The following BCAS3 variants were observed in gnomAD, a reference collection of about 807,000 sequenced individuals.
BCAS3 encodes the protein BCAS3 microtubule associated cell migration factor.
In BCAS3, 53 loss-of-function variants were observed where a neutral mutation model predicts 116.1. The observed-to-expected ratio is 0.46, with a 90% CI of 0.37 to 0.57. The LOEUF (loss-of-function observed/expected upper bound fraction) is 0.57, where lower values mean the gene tolerates loss of function less well. Among genes scored for constraint, BCAS3 ranks in the 20% least tolerant of loss-of-function variants. The pLI is 0.00. For missense variants in BCAS3, 917 were observed against 1,165.4 expected (o/e 0.79, Z 3.10); for synonymous variants, 391 against 408.2 (o/e 0.96, Z 0.51).
At position 61,309,966 on chromosome 17, in the gene BCAS3, A is replaced by G. The variant is rs894378279; in HGVS notation, c.2426-58361A>G. Among the ~76,000 whole-genome samples the G allele has an allele frequency of 1.3e-5, 2 of 152,222 alleles. No individual in the cohort carries two copies. The highest frequency in any genetic ancestry group is 2.9e-5 in the Non-Finnish European group (2 of 68,028). ...CAGTTTTCCTTTGAAAAACTACAGCATTTAGGCTACCAGGTTGTGTTTCCT... is the reference window on the plus strand; with the variant it reads ...CAGTTTTCCTTTGAAAAACTACAGCGTTTAGGCTACCAGGTTGTGTTTCCT... On this transcript the variant is annotated intron_variant, in intron 22 of 23. Coordinates refer to ENST00000407086, the MANE Select transcript of BCAS3 (RefSeq NM_017679.5). The surrounding 1 kb of genome is among the most constrained non-coding windows in gnomAD (Gnocchi z 4.6).
At chr17:60,736,974 C>G (rs1391944776) in intron 5 of BCAS3, among the ~76,000 whole-genome samples, 1 of 142,210 alleles carries the variant, frequency 7.0e-6, no homozygotes, top group African/African-American at 2.6e-5. Flanking sequence ...GAGTCTTGCT[C>G]TTTTGCTGAG....
rs932972616 is a variant in BCAS3, at chr17:61,106,783, G to A, written c.2425+22219G>A. Among the ~76,000 whole-genome samples the A allele has an allele frequency of 1.9e-4, 29 of 152,054 alleles. No homozygotes were observed. The highest frequency in any genetic ancestry group is 7.0e-4 in the African/African-American group (29 of 41,396). ...TTAATGGTGGCTGGATCATTTATTT[G>A]TCTGATTTTCTATCATTAAACTTTG... On this transcript the variant is annotated intron_variant, in intron 22 of 23. Transcript: ENST00000407086. This position sits in a 1 kb window ranked among gnomAD's most constrained non-coding sequence, Gnocchi z 4.2.
intron 12 of BCAS3, among the ~76,000 whole-genome samples, chr17:60,912,651 C>T (rs986746622): frequency 6.6e-6 from 1 of 151,972 alleles, no homozygotes; most frequent in African/African-American, 2.4e-5. Flanking sequence ...ACTTTAATGA[C>T]TTTGTGTTAA....
At chr17:61,040,979 C>T in intron 19 of BCAS3, 87 bp downstream of exon 19, 7 of 1,129,288 alleles carry the variant, frequency 6.2e-6, no homozygotes, top group Non-Finnish European at 9.3e-6. Context: ...AACATTACCA[C>T]TGGTCCATAG....
intron 4 of BCAS3, 25 bp from the exon 5 acceptor site, chr17:60,709,191 GCTT>G: frequency 8.8e-7 from 1 of 1,141,364 alleles, no homozygotes; most frequent in East Asian, 2.4e-5. Flanking sequence ...TTTTAAATTT[GCTT>G]CTTTGTTACT....
intron 4 of BCAS3, among the ~76,000 whole-genome samples, chr17:60,700,185 A>AAAAAAAAAAAAG (rs1319555739): frequency 0.013 from 1,922 of 146,764 alleles, 72 homozygotes; most frequent in African/African-American, 0.046. Context: ...AAAAAAAAAA[A>AAAAAAAAAAAAG]GAAGCAGTTC....
rs529096799 is a variant in BCAS3, at chr17:61,047,434, A to AT, written c.2029+6547dup. ...AACTAAATATATAGATGGTAATCTA[A>AT]TTTTTCTGTTTAACTCAGTAAAAGT... is the stretch of plus-strand genomic sequence containing the variant. On this transcript the variant is annotated intron_variant, in intron 19 of 23. Transcript: ENST00000407086. Among the ~76,000 whole-genome samples the AT allele has an allele frequency of 1.2e-3, 182 of 152,168 alleles. 1 individual carries two copies. Among genetic ancestry groups the AT allele is most frequent in the Middle Eastern group, 3.4e-3 (1 of 294 alleles).
chr17:61,375,572 T>A (rs966013177), intron 23 of BCAS3, among the ~76,000 whole-genome samples: 2 of 148,824 alleles, frequency 1.3e-5, no homozygotes, highest in African/African-American at 4.9e-5. Flanking sequence ...TAATTATCTT[T>A]TTTTTTTTTT....
At chr17:60,697,491 GAGAATTGCTT>G in intron 4 of BCAS3, among the ~76,000 whole-genome samples, 1 of 150,118 alleles carries the variant, frequency 6.7e-6, no homozygotes, top group African/African-American at 2.5e-5. Flanking sequence ...GCTGAGGCAA[GAGAATTGCTT>G]GAAGCCAGGA....
At chr17:60,806,090 T>C (rs1307814818) in intron 6 of BCAS3, among the ~76,000 whole-genome samples, 1 of 152,058 alleles carries the variant, frequency 6.6e-6, no homozygotes, top group Admixed American at 6.6e-5. Context: ...TTGGCCAGGC[T>C]GGTCTCGCAT....
Position 61,388,693 on chromosome 17 carries a change from T to C in BCAS3, c.2594-3284T>C. ...CAACCCAACAGTAACAAAGCATGCG[T>C]TCGGGATGGAGGAAGGTAAGGCCAC... is the stretch of plus-strand genomic sequence containing the variant. On this transcript the variant is annotated intron_variant, in intron 23 of 23. Transcript: ENST00000407086. This position sits in a 1 kb window ranked among gnomAD's most constrained non-coding sequence, Gnocchi z 6.5. 6.5e-7 allele frequency: 1 copy of C among 1,549,436 alleles called. No homozygotes were observed. The highest frequency in any genetic ancestry group is 2.4e-5 in the East Asian group (1 of 41,588).
chr17:60,819,061 A>G (rs2049695927), intron 7 of BCAS3, among the ~76,000 whole-genome samples: 1 of 151,762 alleles, frequency 6.6e-6, no homozygotes, highest in Non-Finnish European at 1.5e-5. Context: ...CTATTTAATT[A>G]CTCTTTCTCA....
chr17:60,977,071 C>T (rs2062443028), intron 14 of BCAS3, among the ~76,000 whole-genome samples: 1 of 152,000 alleles, frequency 6.6e-6, no homozygotes, highest in Non-Finnish European at 1.5e-5. Context: ...GGGGGCTGCC[C>T]TGCACCTCCC....
chr17:61,325,097 C>T lies in BCAS3; in HGVS notation c.2426-43230C>T, dbSNP rs534484031. ...ACAGTTAGCCTGGGCTTTAAAACCC[C>T]GCTCCCTCCACTGCCAAATGAGTTG... On this transcript the variant is annotated intron_variant, in intron 22 of 23. Coordinates refer to ENST00000407086, the MANE Select transcript of BCAS3 (RefSeq NM_017679.5). The surrounding 1 kb of genome is among the most constrained non-coding windows in gnomAD (Gnocchi z 6.4). Among the ~76,000 whole-genome samples the T allele has an allele frequency of 1.1e-4, 17 of 152,238 alleles. No homozygotes were observed. Among genetic ancestry groups the T allele is most frequent in the African/African-American group, 3.1e-4 (13 of 41,546 alleles).
chr17:60,866,362 C>G (rs1425862214), intron 7 of BCAS3, among the ~76,000 whole-genome samples: 3 of 152,126 alleles, frequency 2.0e-5, no homozygotes, highest in African/African-American at 7.2e-5. Context: ...CTCCCAACCT[C>G]AGGTGATCCA....
At chr17:60,751,442 T>G (rs1454524527) in intron 6 of BCAS3, among the ~76,000 whole-genome samples, 3 of 152,218 alleles carry the variant, frequency 2.0e-5, no homozygotes, top group Non-Finnish European at 2.9e-5. Context: ...ACCTCACTTT[T>G]GTAATAAAAT....
chr17:61,329,443 C>G (rs1169238291), intron 22 of BCAS3, among the ~76,000 whole-genome samples: 1 of 151,534 alleles, frequency 6.6e-6, no homozygotes, highest in East Asian at 2.0e-4. Context: ...CGAGTTCACG[C>G]CATTCTCCTG....
In BCAS3 at chr17:61,139,398, C is replaced by T. The variant is rs546858031; in HGVS notation, c.2425+54834C>T. Among the ~76,000 whole-genome samples the T allele has an allele frequency of 6.6e-6, 1 of 152,242 alleles. No homozygotes were observed. The highest frequency in any genetic ancestry group is 2.4e-5 in the African/African-American group (1 of 41,540). On this transcript the variant is annotated intron_variant, in intron 22 of 23. Coordinates refer to ENST00000407086, the MANE Select transcript of BCAS3 (RefSeq NM_017679.5). This position sits in a 1 kb window ranked among gnomAD's most constrained non-coding sequence, Gnocchi z 4.7. ...TTCATATTTGTGGTTTTGGTGTTTC[C>T]TCTTACACATGTGTCTTCCTTCTTC...
chr17:60,992,979 A>G (rs1466728385), intron 15 of BCAS3, among the ~76,000 whole-genome samples: 2 of 152,206 alleles, frequency 1.3e-5, no homozygotes, highest in Non-Finnish European at 2.9e-5. Flanking sequence ...GAAACCACAG[A>G]TGTATTAGTA....
Sources: gnomAD v4.1 joint callset for allele counts (sites outside exome capture counted in the v4.1 genomes callset) on GRCh38, gnomAD v4.1.1 for gene constraint, Gnocchi (gnomAD v3.1) non-coding constraint, MANE v1.5 for transcripts, NCBI Gene and HGNC (gene_info 2026-07-23, HGNC 2026-07-21) for gene names.